DBF4: variants seen among roughly 807,000 people sequenced by gnomAD.
DBF4 encodes the protein protein DBF4 homolog A.
Under a neutral mutation model 76.6 loss-of-function variants are expected in DBF4, and 25 were observed. The observed-to-expected ratio is 0.33, with a 90% confidence interval of 0.24 to 0.46. The LOEUF is 0.46. Ranked by LOEUF, DBF4 falls within the 20% of genes least tolerant of loss-of-function variation. The pLI is 1.00. For missense variants in DBF4, 638 were observed against 760.8 expected (o/e 0.84, Z 1.90); for synonymous variants, 213 against 258.0 (o/e 0.83, Z 1.67).
chr7:87,878,865 CT>C (rs899229252), intron 2 of DBF4, among the ~76,000 whole-genome samples: 5 of 152,306 alleles, frequency 3.3e-5, no homozygotes, highest in Admixed American at 3.3e-4. Flanking sequence ...TCATGCTGGA[CT>C]TTGACTTTCT....
rs892823074 is a variant in DBF4, at chr7:87,909,504, G to A, written c.*1341G>A. The A allele has an allele frequency of 4.6e-5, 7 of 152,200 alleles. No homozygotes were observed. The highest frequency in any genetic ancestry group is 1.7e-4 in the African/African-American group (7 of 41,536). The allele number at this position is 152,200 out of a possible 1,614,324, so 9.4% of individuals were successfully genotyped here. On this transcript the variant is annotated 3_prime_UTR_variant, in exon 12 of 12. Transcript: ENST00000265728. ...TTTAACACCTTTGTTTTTCATACCA[G>A]TACCTGAAGTAGGCTCAATAAAAGA...
At position 87,909,258 on chromosome 7, in the gene DBF4, T is replaced by C. The variant is rs1237548260; in HGVS notation, c.*1095T>C. On this transcript the variant is annotated 3_prime_UTR_variant, in exon 12 of 12. Coordinates refer to ENST00000265728, the MANE Select transcript of DBF4 (RefSeq NM_006716.4). ...AGAAATTTCAATTTGAATCTGTGGATATAAGGCATTTGCCTTTGAGTATGT... is the reference window on the plus strand; with the variant it reads ...AGAAATTTCAATTTGAATCTGTGGACATAAGGCATTTGCCTTTGAGTATGT... The C allele has an allele frequency of 6.6e-6, 1 of 152,230 alleles. No individual in the cohort carries two copies. Among genetic ancestry groups the C allele is most frequent in the South Asian group, 2.1e-4 (1 of 4,834 alleles). 9.4% of individuals were successfully genotyped at this position (152,230 alleles called of 1,614,324 possible). A position where few individuals can be genotyped will look rare whatever the true frequency, so the allele number is the denominator to read the frequency against.
Position 87,908,224 on chromosome 7 carries a change from A to T in DBF4, c.*61A>T. 1 of 1,348,048 alleles carries T rather than the reference A, an allele frequency of 7.4e-7. No homozygotes were observed. The highest frequency in any genetic ancestry group is 9.7e-7 in the Non-Finnish European group (1 of 1,035,248). 83.5% of individuals were successfully genotyped at this position (1,348,048 alleles called of 1,614,324 possible). ...GATCATATTCTTGAAATTTTTATAA[A>T]TATGTATGGAAATTCTTAGGATTTT... On this transcript the variant is annotated 3_prime_UTR_variant, in exon 12 of 12. Transcript: ENST00000265728.
Position 87,882,727 on chromosome 7 carries a change from T to A in DBF4, c.220-2252T>A, listed in dbSNP as rs1230861575. Among the ~76,000 whole-genome samples, 4 of 152,300 alleles carry A rather than the reference T, an allele frequency of 2.6e-5. No homozygotes were observed. In the East Asian group the frequency reaches 7.7e-4, roughly 29 times the overall value. On this transcript the variant is annotated intron_variant, in intron 2 of 11. Coordinates refer to ENST00000265728, the MANE Select transcript of DBF4 (RefSeq NM_006716.4). ...TAAGTACATGAAAAAATGTTCAACG[T>A]CACTAATCATTAGGGAAATGTCAAT...
intron 11 of DBF4, among the ~76,000 whole-genome samples, chr7:87,905,662 C>G (rs1430586164): frequency 6.6e-6 from 1 of 152,088 alleles, no homozygotes; most frequent in Non-Finnish European, 1.5e-5. Context: ...TTAAGTTAGT[C>G]TTTATTCTTA....
chr7:87,878,347 A>T (rs1216659429), intron 2 of DBF4, 122 bp downstream of exon 2: 1 of 760,368 alleles, frequency 1.3e-6, no homozygotes, highest in Admixed American at 3.1e-5. Flanking sequence ...TAACATTTTT[A>T]TCAGCTGTTT....
chr7:87,908,379 T>G lies in DBF4; in HGVS notation c.*216T>G. The G allele has an allele frequency of 2.8e-6, 1 of 358,130 alleles. No homozygotes were observed. Among genetic ancestry groups the G allele is most frequent in the Non-Finnish European group, 4.8e-6 (1 of 209,868 alleles). The allele number at this position is 358,130 out of a possible 1,614,324, so 22.2% of individuals were successfully genotyped here. ...GTGACTGGTCTTGTTTTACATTATATATATGTTCGTAATTGTTTCCTGAGA... is the reference window on the plus strand; with the variant it reads ...GTGACTGGTCTTGTTTTACATTATAGATATGTTCGTAATTGTTTCCTGAGA... On this transcript the variant is annotated 3_prime_UTR_variant, in exon 12 of 12. Coordinates refer to ENST00000265728, the MANE Select transcript of DBF4 (RefSeq NM_006716.4).
At chr7:87,889,469 G>A (rs1222866895) in intron 6 of DBF4, among the ~76,000 whole-genome samples, 1 of 151,654 alleles carries the variant, frequency 6.6e-6, no homozygotes, top group Non-Finnish European at 1.5e-5. Flanking sequence ...TTGTAGAGAC[G>A]GGGTTTCGCC....
intron 11 of DBF4, among the ~76,000 whole-genome samples, chr7:87,906,648 A>G (rs1310330963): frequency 6.6e-6 from 1 of 152,180 alleles, no homozygotes; most frequent in Non-Finnish European, 1.5e-5. Flanking sequence ...GAAAGTATAA[A>G]GATACTAAGT....
intron 6 of DBF4, among the ~76,000 whole-genome samples, chr7:87,891,143 AT>A (rs1839475508): frequency 6.7e-6 from 1 of 148,212 alleles, no homozygotes; most frequent in Non-Finnish European, 1.5e-5. Context: ...TCATTGCTTT[AT>A]TTAAAGTGCT....
rs73706946 is a variant in DBF4 at position 87,880,240 on chromosome 7, G to A, written c.219+2015G>A. On this transcript the variant is annotated intron_variant, in intron 2 of 11. Transcript: ENST00000265728. The stretch of plus-strand genomic sequence containing the variant: ...TTCTATCTCCACAGCAGTTCCTGAG[G>A]TAATTGCAAGAAACAAATTTTGAAT... Among the ~76,000 whole-genome samples, 1,199 of 152,280 alleles carry A rather than the reference G, an allele frequency of 7.9e-3. 22 individuals are homozygous for A. The highest frequency in any genetic ancestry group is 0.027 in the African/African-American group (1,135 of 41,540).
At position 87,907,173 on chromosome 7, in the gene DBF4, A is replaced by AT. The variant is rs1839930753; in HGVS notation, c.1050-10dup. On this transcript the variant is annotated splice_polypyrimidine_tract_variant and intron_variant, in intron 11 of 11. Coordinates refer to ENST00000265728, the MANE Select transcript of DBF4 (RefSeq NM_006716.4). ...GCAATTATTTTAATATTTTTCTTCT[A>AT]TTTTTCCTACAAAGAATAAAATACA... 1 of 1,522,714 alleles carries AT rather than the reference A, an allele frequency of 6.6e-7. No individual in the cohort carries two copies. Among genetic ancestry groups the AT allele is most frequent in the Non-Finnish European group, 8.8e-7 (1 of 1,139,482 alleles). The allele number at this position is 1,522,714 out of a possible 1,614,324, so 94.3% of individuals were successfully genotyped here. A position where few individuals can be genotyped will look rare whatever the true frequency, so the allele number is the denominator to read the frequency against.
chr7:87,909,523 TAA>T lies in DBF4; in HGVS notation c.*1363_*1364del, dbSNP rs1017482531. On this transcript the variant is annotated 3_prime_UTR_variant, in exon 12 of 12. Coordinates refer to ENST00000265728, the MANE Select transcript of DBF4 (RefSeq NM_006716.4). ...ATACCAGTACCTGAAGTAGGCTCAATAAAAGAGTCTTTACAGTGCATACACGC... is the reference window on the plus strand; with the variant it reads ...ATACCAGTACCTGAAGTAGGCTCAATAAGAGTCTTTACAGTGCATACACGC... The T allele has an allele frequency of 6.6e-6, 1 of 152,196 alleles. No individual in the cohort carries two copies. Among genetic ancestry groups the T allele is most frequent in the African/African-American group, 2.4e-5 (1 of 41,464 alleles). The allele number at this position is 152,196 out of a possible 1,614,324, so 9.4% of individuals were successfully genotyped here.
At chr7:87,883,562 C>T (rs1382590275) in intron 2 of DBF4, among the ~76,000 whole-genome samples, 1 of 151,908 alleles carries the variant, frequency 6.6e-6, no homozygotes, top group Non-Finnish European at 1.5e-5. Context: ...ATTGCCTGGC[C>T]CTTATAGGCA....
intron 2 of DBF4, among the ~76,000 whole-genome samples, chr7:87,882,736 A>G (rs1014880599): frequency 4.6e-5 from 7 of 152,212 alleles, no homozygotes; most frequent in African/African-American, 1.7e-4. Flanking sequence ...GTCACTAATC[A>G]TTAGGGAAAT....
At chr7:87,905,232 T>C (rs1839889883) in intron 11 of DBF4, among the ~76,000 whole-genome samples, 1 of 152,262 alleles carries the variant, frequency 6.6e-6, no homozygotes, top group South Asian at 2.1e-4. Context: ...TGCAACTAAT[T>C]AGCTTAGCTT....
chr7:87,881,139 G>A (rs891496913), intron 2 of DBF4, among the ~76,000 whole-genome samples: 2 of 152,216 alleles, frequency 1.3e-5, no homozygotes, highest in African/African-American at 2.4e-5. Flanking sequence ...AGGCTCGGAG[G>A]CTCACGCATG....
At chr7:87,900,957 A>C in intron 10 of DBF4, 79 bp downstream of exon 10, 1 of 1,179,312 alleles carries the variant, frequency 8.5e-7, no homozygotes, top group Non-Finnish European at 1.2e-6. Context: ...TGTTATTCTG[A>C]TGCAGATATT....
intron 6 of DBF4, among the ~76,000 whole-genome samples, chr7:87,895,032 C>T (rs915573697): frequency 6.6e-6 from 1 of 152,094 alleles, no homozygotes; most frequent in African/African-American, 2.4e-5. Flanking sequence ...TTCCACAGAT[C>T]CCTGTGGCTC....
Sources: allele counts gnomAD v4.1 joint callset (sites outside exome capture counted in the v4.1 genomes callset), GRCh38; gene constraint gnomAD v4.1.1; transcripts MANE v1.5; gene names NCBI Gene and HGNC (gene_info 2026-07-23, HGNC 2026-07-21).